FAM133B: variants seen among roughly 807,000 people sequenced by gnomAD.
The protein encoded by FAM133B is family with sequence similarity 133 member B.
FAM133B carries 25 observed loss-of-function variants against 46.4 expected under a neutral mutation model. The observed-to-expected ratio is 0.54, with a 90% CI of 0.39 to 0.75. The LOEUF is 0.75. Ranked by LOEUF, FAM133B falls within the 30% of genes least tolerant of loss-of-function variation. The probability of loss-of-function intolerance (pLI) is 0.00; values close to 1 mark genes in which losing one functional copy is unlikely to be tolerated. For missense variants in FAM133B, 205 were observed against 277.6 expected (o/e 0.74, Z 1.86); for synonymous variants, 75 against 86.0 (o/e 0.87, Z 0.71).
Position 92,565,997 on chromosome 7 carries a change from C to G in FAM133B, c.657+17G>C, listed in dbSNP as rs924451317. 6.2e-7 allele frequency: 1 copy of G among 1,613,376 alleles called. No homozygotes were observed. Among genetic ancestry groups the G allele is most frequent in the African/African-American group, 1.3e-5 (1 of 75,020 alleles). On this transcript the variant is annotated intron_variant, in intron 10 of 10. Coordinates refer to ENST00000445716, the MANE Select transcript of FAM133B (RefSeq NM_152789.4). ...ACACCTATTCTATTGTCTGTAAAAA[C>G]GTTAAGAGATACTTGCTGTTGCTTT...
rs2116435037 is a variant in FAM133B at position 92,589,954 on chromosome 7, C to G, written c.24+314G>C. 3 of 457,728 alleles carry G rather than the reference C, an allele frequency of 6.6e-6. 1 individual carries two copies. The South Asian group carries it at 8.3e-5, about 13-fold the overall frequency. 28.4% of individuals were successfully genotyped at this position (457,728 alleles called of 1,614,324 possible). A position where few individuals can be genotyped will look rare whatever the true frequency, so the allele number is the denominator to read the frequency against. On this transcript the variant is annotated intron_variant, in intron 1 of 10. Transcript: ENST00000445716. ...GGCGGGGCCAGGTGTGGGGGGGGTTCCCCGAGCCCTCGCGGTTCTAAGTGG... is the reference window on the plus strand; with the variant it reads ...GGCGGGGCCAGGTGTGGGGGGGGTTGCCCGAGCCCTCGCGGTTCTAAGTGG...
At chr7:92,590,051 AG>A in intron 1 of FAM133B, 1 of 616,540 alleles carries the variant, frequency 1.6e-6, no homozygotes, top group Non-Finnish European at 2.8e-6. Flanking sequence ...AGGTGAGGGA[AG>A]AAAAAAGGGG....
chr7:92,567,787 A>G (rs1264790043), intron 9 of FAM133B, among the ~76,000 whole-genome samples: 1 of 151,662 alleles, frequency 6.6e-6, no homozygotes, highest in African/African-American at 2.4e-5. Flanking sequence ...TTTTTTTGAC[A>G]AAGTCTCGCT....
At chr7:92,583,020 T>C (rs1220524644) in intron 1 of FAM133B, among the ~76,000 whole-genome samples, 2 of 152,218 alleles carry the variant, frequency 1.3e-5, no homozygotes, top group African/African-American at 4.8e-5. Flanking sequence ...CAGATACTTG[T>C]ACACAAATGT....
intron 8 of FAM133B, among the ~76,000 whole-genome samples, chr7:92,570,210 G>A (rs959473224): frequency 6.6e-6 from 1 of 151,994 alleles, no homozygotes; most frequent in Non-Finnish European, 1.5e-5. Context: ...TGTAAGATTT[G>A]GTTCCTTTGT....
chr7:92,576,923 G>A, intron 7 of FAM133B, among the ~76,000 whole-genome samples, 180 bp downstream of exon 7: 1 of 152,212 alleles, frequency 6.6e-6, no homozygotes, highest in East Asian at 1.9e-4. Context: ...ATATATATAT[G>A]AAAGCACTTG....
At chr7:92,581,386 A>G in intron 2 of FAM133B, 120 bp downstream of exon 2, 1 of 753,106 alleles carries the variant, frequency 1.3e-6, no homozygotes, top group Non-Finnish European at 2.2e-6. Flanking sequence ...ATCAAATGTT[A>G]CTTAAAAAAA....
At chr7:92,571,792 T>A (rs1794539035) in intron 8 of FAM133B, among the ~76,000 whole-genome samples, 1 of 152,208 alleles carries the variant, frequency 6.6e-6, no homozygotes, top group Admixed American at 6.5e-5. Flanking sequence ...AATTAAAACA[T>A]TCTTATAATG....
chr7:92,585,234 T>C (rs1795007234), intron 1 of FAM133B: 1 of 340,836 alleles, frequency 2.9e-6, no homozygotes, highest in South Asian at 1.2e-4. Flanking sequence ...CTATTGCAAA[T>C]ATAGGTCACC....
In FAM133B at chr7:92,578,153, A is replaced by T; in HGVS notation, c.306T>A (p.Gly102=). The T allele has an allele frequency of 6.2e-7, 1 of 1,609,304 alleles. No homozygotes were observed. Among genetic ancestry groups the T allele is most frequent in the Non-Finnish European group, 8.5e-7 (1 of 1,178,200 alleles). Residue 102 remains glycine (G), a synonymous_variant, in exon 5 of 11, where the codon GGT becomes GGA. Coordinates refer to ENST00000445716, the MANE Select transcript of FAM133B (RefSeq NM_152789.4). ...AAAATGGAAAATTTTTGCTCACCCT[A>T]CCAGATTTCTTCTTTTCTTTTTTCT... The part of the protein sequence containing the change: ...QRKKKEKKKS[G]RYSSSSSSSS...
chr7:92,589,929 G>A (rs1795145160), intron 1 of FAM133B: 1 of 409,934 alleles, frequency 2.4e-6, no homozygotes, highest in South Asian at 3.0e-5. Flanking sequence ...GGAGTTACAT[G>A]GCGGGGCCAG....
intron 1 of FAM133B, among the ~76,000 whole-genome samples, chr7:92,587,657 C>T (rs1165991859): frequency 6.6e-6 from 1 of 152,084 alleles, no homozygotes; most frequent in Non-Finnish European, 1.5e-5. Context: ...TCCCTTGAGC[C>T]TGGGAAGTTG....
intron 9 of FAM133B, among the ~76,000 whole-genome samples, chr7:92,567,485 T>TA (rs1017808314): frequency 2.0e-5 from 3 of 151,804 alleles, no homozygotes; most frequent in Non-Finnish European, 2.9e-5. Context: ...GCATGAGGAC[T>TA]AAAAAAAATA....
At chr7:92,565,149 CTTTTTTTT>C (rs72450473) in intron 10 of FAM133B, among the ~76,000 whole-genome samples, 194 of 130,456 alleles carry the variant, frequency 1.5e-3, no homozygotes, top group African/African-American at 5.0e-3. Context: ...GCTTATATTT[CTTTTTTTT>C]TTTTTTTTTT....
At chr7:92,568,853 C>T (rs774374072) in intron 9 of FAM133B, among the ~76,000 whole-genome samples, 24 of 152,108 alleles carry the variant, frequency 1.6e-4, no homozygotes, top group Non-Finnish European at 2.4e-4. Context: ...CTTCTTGCCT[C>T]AGCATTAGCT....
intron 10 of FAM133B, among the ~76,000 whole-genome samples, chr7:92,564,914 T>C (rs564516438): frequency 1.1e-3 from 161 of 152,340 alleles, no homozygotes; most frequent in African/African-American, 3.8e-3. Context: ...TTTGCATTAA[T>C]AGCAGAGTTT....
At chr7:92,569,161 T>C (rs1024516098) in intron 9 of FAM133B, among the ~76,000 whole-genome samples, 5 of 152,192 alleles carry the variant, frequency 3.3e-5, no homozygotes, top group African/African-American at 1.2e-4. Context: ...TCAACTCTTT[T>C]AGATTACACT....
intron 8 of FAM133B, among the ~76,000 whole-genome samples, chr7:92,571,027 A>G (rs1028532358): frequency 6.6e-6 from 1 of 152,206 alleles, no homozygotes; most frequent in African/African-American, 2.4e-5. Context: ...AACATTCACT[A>G]AAATGCCAGA....
chr7:92,582,850 T>C (rs1794928909), intron 1 of FAM133B, among the ~76,000 whole-genome samples: 1 of 152,186 alleles, frequency 6.6e-6, no homozygotes, highest in Non-Finnish European at 1.5e-5. Context: ...TTAGCAAGGA[T>C]GCAGAGAAAC....
Sources: gnomAD v4.1 joint callset for allele counts (sites outside exome capture counted in the v4.1 genomes callset) on GRCh38, gnomAD v4.1.1 for gene constraint, MANE v1.5 for transcripts, NCBI Gene and HGNC (gene_info 2026-07-23, HGNC 2026-07-21) for gene names.